Variants in TNRC6B observed in about 807,000 individuals in gnomAD.
TNRC6B encodes trinucleotide repeat containing adaptor 6B, also known as trinucleotide repeat-containing gene 6B protein.
A neutral mutation model predicts 203.6 loss-of-function variants in TNRC6B; 52 were observed. The observed-to-expected ratio is 0.26, with a 90% confidence interval of 0.20 to 0.32. TNRC6B has a LOEUF of 0.32. Ranked by LOEUF, TNRC6B falls within the 10% of genes least tolerant of loss-of-function variation. TNRC6B has a pLI of 1.00. For synonymous variants in TNRC6B, 838 were observed against 845.7 expected (o/e 0.99, Z 0.16); for missense variants, 1,923 against 2,286.2 (o/e 0.84, Z 3.24).
chr22:40,075,817 A>C (rs1260428220), intron 1 of TNRC6B, among the ~76,000 whole-genome samples: 1 of 152,246 alleles, frequency 6.6e-6, no homozygotes, highest in East Asian at 1.9e-4. Flanking sequence ...TGCATCTTTA[A>C]CTTATGCAGT....
At chr22:40,111,797 T>C (rs1039754596) in intron 1 of TNRC6B, among the ~76,000 whole-genome samples, 1 of 152,146 alleles carries the variant, frequency 6.6e-6, no homozygotes, top group African/African-American at 2.4e-5. Context: ...GGGGAAGCTG[T>C]ATCTATGAGA....
At chr22:40,219,779 C>T (rs773816537) in intron 1 of TNRC6B, among the ~76,000 whole-genome samples, 4 of 152,202 alleles carry the variant, frequency 2.6e-5, no homozygotes, top group Admixed American at 6.5e-5. Context: ...TCCCCGTCCT[C>T]TCTACATTCT....
intron 3 of TNRC6B, among the ~76,000 whole-genome samples, chr22:40,257,585 G>A (rs2070299996): frequency 2.0e-5 from 3 of 151,962 alleles, no homozygotes; most frequent in Non-Finnish European, 1.5e-5. Flanking sequence ...GTATGGTGGT[G>A]CACACCTGTA....
intron 1 of TNRC6B, among the ~76,000 whole-genome samples, chr22:40,099,744 A>G (rs536300220): frequency 6.6e-6 from 1 of 152,026 alleles, no homozygotes; most frequent in African/African-American, 2.4e-5. Context: ...ATACTTCTCC[A>G]TTTTATTTTA....
chr22:40,200,789 A>G (rs1601878718), intron 1 of TNRC6B, among the ~76,000 whole-genome samples: 1 of 152,258 alleles, frequency 6.6e-6, no homozygotes, highest in South Asian at 2.1e-4. Context: ...TACAATGGTC[A>G]TCAGTCAAAA....
rs1399481998 is a variant in TNRC6B at position 40,177,959 on chromosome 22, A to T, written c.-177A>T. 2.1e-6 allele frequency: 3 copies of T among 1,421,510 alleles called. No individual in the cohort carries two copies. Among genetic ancestry groups the T allele is most frequent in the Non-Finnish European group, 2.7e-6 (3 of 1,092,672 alleles). The allele number at this position is 1,421,510 out of a possible 1,614,324, so 88.1% of individuals were successfully genotyped here. A position where few individuals can be genotyped will look rare whatever the true frequency, so the allele number is the denominator to read the frequency against. On this transcript the variant is annotated 5_prime_UTR_variant, in exon 1 of 23. Transcript: ENST00000454349. ...GAGGGAGAGAGAGAGCAAGAGGGAG[A>T]GTGTGTGAGAGAGAGTTAGTTCAAG...
intron 1 of TNRC6B, among the ~76,000 whole-genome samples, chr22:40,191,450 G>A (rs2069272070): frequency 6.6e-6 from 1 of 152,178 alleles, no homozygotes; most frequent in African/African-American, 2.4e-5. Flanking sequence ...AGGACAAAGA[G>A]TTAGGGAGTG....
upstream of TNRC6B, among the ~76,000 whole-genome samples, chr22:40,176,416 C>T (rs978491237): frequency 6.6e-6 from 1 of 152,008 alleles, no homozygotes; most frequent in Non-Finnish European, 1.5e-5. Context: ...TATGAGCCAC[C>T]GCACCCGGCC....
chr22:40,069,716 A>C (rs571647677), intron 1 of TNRC6B, among the ~76,000 whole-genome samples: 166 of 151,486 alleles, frequency 1.1e-3, no homozygotes, highest in African/African-American at 4.0e-3. Flanking sequence ...TGAACTCCCA[A>C]CCTCAGGTGA....
chr22:40,226,150 G>A (rs1270916112), intron 1 of TNRC6B, among the ~76,000 whole-genome samples: 1 of 152,112 alleles, frequency 6.6e-6, no homozygotes, highest in Non-Finnish European at 1.5e-5. Context: ...TTTTCGTCAA[G>A]GTAATTCAAT....
intron 12 of TNRC6B, 84 bp from the exon 13 acceptor site, chr22:40,300,371 G>A: frequency 7.5e-7 from 1 of 1,336,890 alleles, no homozygotes. Flanking sequence ...GATTCATCAA[G>A]ATTCTTTTCA....
chr22:40,108,213 G>A (rs1199483620), intron 1 of TNRC6B, among the ~76,000 whole-genome samples: 1 of 152,152 alleles, frequency 6.6e-6, no homozygotes, highest in Non-Finnish European at 1.5e-5. Flanking sequence ...CTCTGGAGAG[G>A]AAAACCTGAC....
chr22:40,096,064 AT>A (rs2068183980), intron 1 of TNRC6B, among the ~76,000 whole-genome samples: 1 of 152,198 alleles, frequency 6.6e-6, no homozygotes, highest in Non-Finnish European at 1.5e-5. Context: ...TTAGAAACAT[AT>A]AAACATGACT....
In TNRC6B at chr22:40,268,174, G is replaced by A. The variant is rs536578796; in HGVS notation, c.2806+1138G>A. Among the ~76,000 whole-genome samples the A allele has an allele frequency of 1.9e-3, 291 of 152,140 alleles. 1 individual carries two copies. The highest frequency in any genetic ancestry group is 3.3e-3 in the Non-Finnish European group (224 of 68,004). On this transcript the variant is annotated intron_variant, in intron 5 of 22. Coordinates refer to ENST00000454349, the MANE Select transcript of TNRC6B (RefSeq NM_001162501.2). Reference sequence around the variant, plus strand: ...ACGATCTCGGCTCGCTATAACCTCCGTGCCAAGTTCAAGTGATTCTCTTGC... The same window carrying A: ...ACGATCTCGGCTCGCTATAACCTCCATGCCAAGTTCAAGTGATTCTCTTGC...
At chr22:40,097,846 A>G (rs1296648966) in intron 1 of TNRC6B, among the ~76,000 whole-genome samples, 2 of 152,016 alleles carry the variant, frequency 1.3e-5, no homozygotes, top group African/African-American at 2.4e-5. Context: ...ATAATGGCGT[A>G]TCTTATTTAC....
chr22:40,308,142 AC>A (rs2071116839), intron 15 of TNRC6B, among the ~76,000 whole-genome samples: 1 of 152,100 alleles, frequency 6.6e-6, no homozygotes. Flanking sequence ...AGATACCCTG[AC>A]TACAGCTTTG....
In TNRC6B at chr22:40,280,086, C is replaced by T; in HGVS notation, c.3354C>T (p.Phe1118=). ...NDIMRKDRSG[F]RPPNSKDMGT... ...TCATGAGGAAGGATCGATCTGGGTT[C>T]CGTCCACCTAATTCCAAAGACATGG... The change falls in exon 10 of 23, where the codon TTC becomes TTT. Residue 1118 remains phenylalanine (F), a synonymous_variant. Coordinates refer to ENST00000454349, the MANE Select transcript of TNRC6B (RefSeq NM_001162501.2). 6.2e-7 allele frequency: 1 copy of T among 1,613,730 alleles called. No homozygotes were observed. Among genetic ancestry groups the T allele is most frequent in the East Asian group, 2.2e-5 (1 of 44,868 alleles).
At chr22:40,148,444 C>G (rs1006226458) in intron 3 of TNRC6B, among the ~76,000 whole-genome samples, 1 of 151,916 alleles carries the variant, frequency 6.6e-6, no homozygotes, top group Non-Finnish European at 1.5e-5. Context: ...CCACCACGCC[C>G]AGCTAATTTT....
chr22:40,288,844 T>G (rs1334469451), intron 12 of TNRC6B, among the ~76,000 whole-genome samples: 1 of 135,116 alleles, frequency 7.4e-6, no homozygotes, highest in African/African-American at 2.9e-5. Flanking sequence ...CCCAGCTTTT[T>G]TTTTTTTTTT....
Sources: gnomAD v4.1 joint callset for allele counts (sites outside exome capture counted in the v4.1 genomes callset) on GRCh38, gnomAD v4.1.1 for gene constraint, MANE v1.5 for transcripts, NCBI Gene and HGNC (gene_info 2026-07-23, HGNC 2026-07-21) for gene names.